Variants in CDH23 observed in about 807,000 individuals in gnomAD.
CDH23 encodes cadherin related 23, also known as cadherin-23.
A neutral mutation model predicts 317.1 loss-of-function variants in CDH23; 189 were observed. The ratio of observed to expected loss-of-function variants is 0.60; its 90% CI spans 0.53 to 0.67. The LOEUF (loss-of-function observed/expected upper bound fraction) is 0.67. Among genes scored for constraint, CDH23 ranks in the 30% least tolerant of loss-of-function variants. The pLI, the probability that CDH23 is intolerant of heterozygous loss-of-function variation, is 0.00. For synonymous variants in CDH23, 1,839 were observed against 1,876.8 expected (o/e 0.98, Z 0.52); for missense variants, 4,401 against 4,592.4 (o/e 0.96, Z 1.20).
chr10:71,741,561 C>T, intron 37 of CDH23, 133 bp from the exon 38 acceptor site: 1 of 698,610 alleles, frequency 1.4e-6, no homozygotes, highest in Non-Finnish European at 2.5e-6. Context: ...TTATTATCTC[C>T]ATCATTGCTC....
At chr10:71,679,029 C>T (rs920882963) in intron 16 of CDH23, among the ~76,000 whole-genome samples, 6 of 151,746 alleles carry the variant, frequency 4.0e-5, no homozygotes, top group African/African-American at 1.5e-4. Context: ...AGGGCATCTG[C>T]AGGTGGGGGT....
chr10:71,694,073 C>A, intron 20 of CDH23, 74 bp from the exon 21 acceptor site: 1 of 1,147,828 alleles, frequency 8.7e-7, no homozygotes, highest in Non-Finnish European at 1.3e-6. Context: ...CCTTCCCTCG[C>A]TCTCTCTCTT....
At chr10:71,531,535 A>G (rs1447787202) in intron 6 of CDH23, among the ~76,000 whole-genome samples, 1 of 151,970 alleles carries the variant, frequency 6.6e-6, no homozygotes, top group African/African-American at 2.4e-5. Context: ...TAGTAGCTGC[A>G]CTCACCCCAC....
At chr10:71,625,758 A>G (rs1473490600) in intron 11 of CDH23, among the ~76,000 whole-genome samples, 1 of 152,076 alleles carries the variant, frequency 6.6e-6, no homozygotes, top group Non-Finnish European at 1.5e-5. Context: ...GCTTCCTTTC[A>G]GTCTTCCTTT....
In CDH23 at chr10:71,702,108, C is replaced by T; in HGVS notation, c.2484C>T (p.Ser828=). 1.2e-6 allele frequency: 2 copies of T among 1,614,002 alleles called. No homozygotes were observed. Among genetic ancestry groups the T allele is most frequent in the Non-Finnish European group, 1.7e-6 (2 of 1,179,886 alleles). The change falls in exon 23 of 70, where the codon AGC becomes AGT. Residue 828 remains serine (S), a synonymous_variant. Coordinates refer to ENST00000224721, the MANE Select transcript of CDH23 (RefSeq NM_022124.6). ...QPPNKFYSLN[S]TTGKIRTTHA... ...CCAACAAGTTCTACAGCCTCAACAG[C>T]ACCACGGGCAAGATCCGCACCACCC...
At chr10:71,458,049 T>C (rs1341279021) in intron 3 of CDH23, among the ~76,000 whole-genome samples, 1 of 152,076 alleles carries the variant, frequency 6.6e-6, no homozygotes, top group Non-Finnish European at 1.5e-5. Context: ...CCCTAGTAAC[T>C]GGCAAAGGTG....
chr10:71,524,669 C>A (rs1435190819), intron 6 of CDH23, among the ~76,000 whole-genome samples: 1 of 152,100 alleles, frequency 6.6e-6, no homozygotes, highest in Non-Finnish European at 1.5e-5. Flanking sequence ...CTCTGTGAGG[C>A]CTCTGTAATC....
Position 71,427,240 on chromosome 10 carries a change from AGAAAGG to A in CDH23, c.-5-12581_-5-12576del, listed in dbSNP as rs1361238254. Reference sequence around the variant, plus strand: ...AAGAAAGAAAGAAAGAAAGAAAGAAAGAAAGGGAAAGAAAGAAAGAGAAAGAGAGAA... The same window carrying A: ...AAGAAAGAAAGAAAGAAAGAAAGAAAGAAAGAAAGAAAGAGAAAGAGAGAA... On this transcript the variant is annotated intron_variant, in intron 1 of 69. Coordinates refer to ENST00000224721, the MANE Select transcript of CDH23 (RefSeq NM_022124.6). Among the ~76,000 whole-genome samples, 98 of 86,656 alleles carry A rather than the reference AGAAAGG, an allele frequency of 1.1e-3. 3 individuals are homozygous for A. Among genetic ancestry groups the A allele is most frequent in the African/African-American group, 4.5e-3 (95 of 21,340 alleles). 56.8% of individuals were successfully genotyped at this position (86,656 alleles called of 152,430 possible).
In CDH23 at chr10:71,784,975, A is replaced by G; in HGVS notation, c.5587A>G (p.Asn1863Asp). The part of the protein sequence containing the change: ...NLPMNITISE[N>D]SPVSSFVAHV... ...GCCCATGAACATCACCATCAGCGAG[A>G]ACAGCCCTGTCTCCAGCTTTGTCGC... is the stretch of plus-strand genomic sequence containing the variant. Residue 1863 changes from asparagine to aspartate, a missense_variant, in exon 43 of 70, where the codon AAC (asparagine) becomes GAC (aspartate). Physicochemically the swap from Asn to Asp is conservative, Grantham distance 23. This residue lies in a region of CDH23 where 3,068 missense variants were observed against 3,203.3 expected (regional missense o/e 0.96). Transcript: ENST00000224721. The G allele has an allele frequency of 1.2e-6, 2 of 1,614,084 alleles. No individual in the cohort carries two copies. The highest frequency in any genetic ancestry group is 1.7e-6 in the Non-Finnish European group (2 of 1,179,900).
intron 15 of CDH23, among the ~76,000 whole-genome samples, chr10:71,676,648 T>C (rs549561328): frequency 7.2e-5 from 11 of 152,162 alleles, no homozygotes; most frequent in African/African-American, 2.6e-4. Flanking sequence ...GACAGGGAGA[T>C]TGTTAGGGGC....
intron 9 of CDH23, among the ~76,000 whole-genome samples, chr10:71,611,243 A>G (rs920680412): frequency 4.6e-5 from 7 of 152,152 alleles, no homozygotes; most frequent in Non-Finnish European, 7.3e-5. Flanking sequence ...CGAGGCAGGG[A>G]TGTGGAGTTC....
intron 9 of CDH23, among the ~76,000 whole-genome samples, chr10:71,604,700 A>C (rs1439150170): frequency 6.6e-6 from 1 of 152,156 alleles, no homozygotes; most frequent in African/African-American, 2.4e-5. Flanking sequence ...CTCTTCCTCC[A>C]TACTTACCCC....
intron 38 of CDH23, among the ~76,000 whole-genome samples, chr10:71,747,231 G>C (rs914798602): frequency 6.6e-6 from 1 of 152,224 alleles, no homozygotes. Flanking sequence ...GCAAGCAAGA[G>C]GGGTGCATGG....
At chr10:71,481,462 G>C (rs980881718) in intron 3 of CDH23, among the ~76,000 whole-genome samples, 8 of 152,264 alleles carry the variant, frequency 5.3e-5, no homozygotes, top group Admixed American at 3.3e-4. Context: ...AAGAGAACAG[G>C]GTTTGAGGCA....
intron 3 of CDH23, among the ~76,000 whole-genome samples, chr10:71,450,396 G>T (rs1311946803): frequency 1.3e-5 from 2 of 151,732 alleles, no homozygotes; most frequent in African/African-American, 4.8e-5. Context: ...CTCCTGGGTA[G>T]CTGGGATTAC....
chr10:71,607,148 C>CTGTCAGATGTATCAT (rs1192904767), intron 9 of CDH23, among the ~76,000 whole-genome samples: 51 of 152,246 alleles, frequency 3.3e-4, no homozygotes, highest in African/African-American at 1.2e-3. Context: ...AGTGATACAA[C>CTGTCAGATGTATCAT]TCTATACCAG....
chr10:71,598,606 T>A (rs1860013977), intron 9 of CDH23, among the ~76,000 whole-genome samples: 1 of 152,136 alleles, frequency 6.6e-6, no homozygotes, highest in African/African-American at 2.4e-5. Flanking sequence ...ACCCATGTAA[T>A]TGAGAAGGAC....
At position 71,704,920 on chromosome 10, in the gene CDH23, A is replaced by G. The variant is rs1865720834; in HGVS notation, c.2743A>G (p.Ile915Val). 6.2e-7 allele frequency: 1 copy of G among 1,612,050 alleles called. No individual in the cohort carries two copies. Among genetic ancestry groups the G allele is most frequent in the Non-Finnish European group, 8.5e-7 (1 of 1,179,236 alleles). The change falls in exon 25 of 70, where the codon ATC becomes GTC. Residue 915 changes from isoleucine to valine, a missense_variant. This residue lies in a region of CDH23 where 3,068 missense variants were observed against 3,203.3 expected (regional missense o/e 0.96). Coordinates refer to ENST00000224721, the MANE Select transcript of CDH23 (RefSeq NM_022124.6). ...AGVSIYQVVA[I>V]DLDEGLNGLV... ...CCCTCCTTGCCCTCAGGTGGTGGCC[A>G]TCGACCTCGATGAGGGCCTGAACGG...
At chr10:71,608,724 G>T (rs1860677074) in intron 9 of CDH23, among the ~76,000 whole-genome samples, 1 of 152,210 alleles carries the variant, frequency 6.6e-6, no homozygotes, top group African/African-American at 2.4e-5. Context: ...CACTGCACAG[G>T]GCAGCTGCCT....
Sources: gnomAD v4.1 joint callset for allele counts (sites outside exome capture counted in the v4.1 genomes callset) on GRCh38, gnomAD v4.1.1 for gene constraint, gnomAD v4.1.1 regional missense constraint, MANE v1.5 for transcripts, NCBI Gene and HGNC (gene_info 2026-07-23, HGNC 2026-07-21) for gene names.